The following CTNND2 variants were observed in gnomAD, a reference collection of about 807,000 sequenced individuals.
CTNND2 encodes the protein catenin delta 2.
A neutral mutation model predicts 144.4 loss-of-function variants in CTNND2; 22 were observed. The ratio of observed to expected loss-of-function variants is 0.15; its 90% CI spans 0.11 to 0.22. CTNND2 has a LOEUF of 0.22. Among genes scored for constraint, CTNND2 ranks in the 10% least tolerant of loss-of-function variants. CTNND2 has a pLI of 1.00. For missense variants in CTNND2, 1,353 were observed against 1,618.8 expected (o/e 0.84, Z 2.82); for synonymous variants, 751 against 695.6 (o/e 1.08, Z -1.25).
At chr5:11,049,875 C>A (rs190939981) in intron 16 of CTNND2, among the ~76,000 whole-genome samples, 1 of 152,142 alleles carries the variant, frequency 6.6e-6, no homozygotes, top group Non-Finnish European at 1.5e-5. Context: ...ACAAGCAATT[C>A]GCTGTCTTAG....
At chr5:11,266,478 G>A (rs1167507437) in intron 9 of CTNND2, among the ~76,000 whole-genome samples, 1 of 152,184 alleles carries the variant, frequency 6.6e-6, no homozygotes, top group Admixed American at 6.5e-5. Context: ...GGGTTAATTA[G>A]TCACCAGTGG....
intron 9 of CTNND2, among the ~76,000 whole-genome samples, chr5:11,257,406 A>C (rs527645954): frequency 3.9e-5 from 6 of 152,184 alleles, no homozygotes; most frequent in Non-Finnish European, 8.8e-5. Context: ...AATAACCAAG[A>C]CTGGGTAATT....
intron 2 of CTNND2, among the ~76,000 whole-genome samples, chr5:11,596,795 C>T (rs976211715): frequency 1.3e-5 from 2 of 152,144 alleles, no homozygotes; most frequent in Non-Finnish European, 2.9e-5. Flanking sequence ...GACAAACAGG[C>T]TGAACATGAC....
intron 2 of CTNND2, among the ~76,000 whole-genome samples, chr5:11,597,294 G>T (rs937131023): frequency 6.6e-6 from 1 of 152,116 alleles, no homozygotes; most frequent in African/African-American, 2.4e-5. Flanking sequence ...AACTGATATT[G>T]CATTATTTGA....
At chr5:11,010,925 G>C (rs35619421) in intron 18 of CTNND2, among the ~76,000 whole-genome samples, 2,178 of 152,278 alleles carry the variant, frequency 0.014, 52 homozygotes, top group African/African-American at 0.049. Flanking sequence ...CTCTCATCAC[G>C]AAGGCAAGAG....
intron 16 of CTNND2, among the ~76,000 whole-genome samples, chr5:11,067,398 G>A (rs1747731448): frequency 6.6e-6 from 1 of 152,160 alleles, no homozygotes; most frequent in African/African-American, 2.4e-5. Flanking sequence ...CTGAAATGCT[G>A]AAGAAATACT....
intron 14 of CTNND2, among the ~76,000 whole-genome samples, chr5:11,110,348 T>A (rs535603284): frequency 6.6e-6 from 1 of 152,248 alleles, no homozygotes; most frequent in Non-Finnish European, 1.5e-5. Flanking sequence ...AATGCCATCC[T>A]GTGGAAGGGC....
intron 16 of CTNND2, among the ~76,000 whole-genome samples, chr5:11,035,029 C>G (rs1474843384): frequency 2.3e-5 from 3 of 131,116 alleles, no homozygotes; most frequent in Admixed American, 1.6e-4. Flanking sequence ...CCCCTCCCCC[C>G]ACCCCACAGC....
chr5:11,481,549 G>C (rs977540648), intron 3 of CTNND2, among the ~76,000 whole-genome samples: 3 of 152,122 alleles, frequency 2.0e-5, no homozygotes, highest in Admixed American at 2.0e-4. Context: ...GTTGCAGTGA[G>C]CCAAGGTCAT....
intron 1 of CTNND2, among the ~76,000 whole-genome samples, chr5:11,749,916 C>T (rs1484934115): frequency 6.6e-6 from 1 of 151,956 alleles, no homozygotes; most frequent in Non-Finnish European, 1.5e-5. Flanking sequence ...TTAATGAGTG[C>T]ATATCATAAT....
At chr5:11,617,141 C>T (rs114026443) in intron 2 of CTNND2, among the ~76,000 whole-genome samples, 1,534 of 152,274 alleles carry the variant, frequency 0.01, 13 homozygotes, top group East Asian at 0.026. Context: ...CCATTACCTC[C>T]GAGGATGGCC....
intron 10 of CTNND2, among the ~76,000 whole-genome samples, chr5:11,230,623 C>T (rs1740898122): frequency 1.3e-5 from 2 of 152,114 alleles, no homozygotes; most frequent in Admixed American, 1.3e-4. Context: ...TTCATTCACC[C>T]ATGAATACGG....
At chr5:11,313,328 AG>A (rs1442225138) in intron 9 of CTNND2, among the ~76,000 whole-genome samples, 4 of 152,160 alleles carry the variant, frequency 2.6e-5, no homozygotes, top group African/African-American at 4.8e-5. Context: ...ACGGCTGCTC[AG>A]GGTGCTCAGG....
At chr5:11,313,727 T>C (rs1751219714) in intron 9 of CTNND2, among the ~76,000 whole-genome samples, 1 of 152,156 alleles carries the variant, frequency 6.6e-6, no homozygotes, top group Non-Finnish European at 1.5e-5. Flanking sequence ...CAACCGGTAA[T>C]TGCAAAGAAA....
At chr5:11,536,264 A>G (rs975433711) in intron 3 of CTNND2, among the ~76,000 whole-genome samples, 18 of 151,946 alleles carry the variant, frequency 1.2e-4, no homozygotes, top group Admixed American at 9.2e-4. Context: ...GGGTCTCCCT[A>G]TGTTACCCAG....
rs144763371 is a variant in CTNND2 at position 11,541,100 on chromosome 5, C to T, written c.287+23844G>A. 6.5e-4 allele frequency among the ~76,000 whole-genome samples: 99 copies of T among 152,234 alleles called. 1 individual carries two copies. The East Asian group carries it at 0.018, about 27-fold the overall frequency. ...TGCCATCAACTGAGGAGAGCAGCAG[C>T]TTGAGAATATGGAGCCAGGCACTGC... On this transcript the variant is annotated intron_variant, in intron 3 of 21. Transcript: ENST00000304623.
intron 9 of CTNND2, among the ~76,000 whole-genome samples, chr5:11,311,061 C>T (rs1420962901): frequency 6.0e-5 from 9 of 149,242 alleles, no homozygotes; most frequent in East Asian, 4.1e-4. Context: ...CACTCACGCT[C>T]CCCATGCACC....
At chr5:11,703,255 C>T (rs1785535056) in intron 2 of CTNND2, among the ~76,000 whole-genome samples, 1 of 152,012 alleles carries the variant, frequency 6.6e-6, no homozygotes, top group South Asian at 2.1e-4. Flanking sequence ...TTATATTGTC[C>T]CAATGAAACA....
intron 10 of CTNND2, among the ~76,000 whole-genome samples, chr5:11,212,597 C>T (rs775673490): frequency 1.3e-5 from 2 of 152,144 alleles, no homozygotes; most frequent in African/African-American, 2.4e-5. Flanking sequence ...GGAGACTTTA[C>T]GAAGTAGAAC....
Sources: gnomAD v4.1 joint callset for allele counts (sites outside exome capture counted in the v4.1 genomes callset) on GRCh38, gnomAD v4.1.1 for gene constraint, MANE v1.5 for transcripts, NCBI Gene and HGNC (gene_info 2026-07-23, HGNC 2026-07-21) for gene names.